The following SLC6A4 variants were observed in gnomAD, a reference collection of about 807,000 sequenced individuals.
The protein encoded by SLC6A4 is sodium-dependent serotonin transporter.
SLC6A4 carries 22 observed loss-of-function variants against 73.4 expected under a neutral mutation model. The ratio of observed to expected loss-of-function variants is 0.30; its 90% CI spans 0.21 to 0.43. The LOEUF (loss-of-function observed/expected upper bound fraction) is 0.43. Among genes scored for constraint, SLC6A4 ranks in the 20% least tolerant of loss-of-function variants. The pLI, the probability that SLC6A4 is intolerant of heterozygous loss-of-function variation, is 1.00. For synonymous variants in SLC6A4, 270 were observed against 315.5 expected (o/e 0.86, Z 1.53); for missense variants, 593 against 808.5 (o/e 0.73, Z 3.23).
In SLC6A4 at chr17:30,215,802, G is replaced by C. The variant is rs1368757789; in HGVS notation, c.973-88C>G. On this transcript the variant is annotated intron_variant, in intron 7 of 14. Transcript: ENST00000650711. ...ACAGGGTCGCCACTCCTGCCTCCAT[G>C]TGGCTAAGTGCAGAGGCAGAAAAAC... 5 of 1,152,162 alleles carry C rather than the reference G, an allele frequency of 4.3e-6. No individual in the cohort carries two copies. In the African/African-American group the frequency reaches 6.1e-5, roughly 14 times the overall value. The allele number at this position is 1,152,162 out of a possible 1,614,324, so 71.4% of individuals were successfully genotyped here. A position where few individuals can be genotyped will look rare whatever the true frequency, so the allele number is the denominator to read the frequency against.
chr17:30,211,037 A>G lies in SLC6A4; in HGVS notation c.1317+275T>C, dbSNP rs962820557. Among the ~76,000 whole-genome samples the G allele has an allele frequency of 6.6e-6, 1 of 152,244 alleles. No individual in the cohort carries two copies. Among genetic ancestry groups the G allele is most frequent in the Admixed American group, 6.5e-5 (1 of 15,290 alleles). On this transcript the variant is annotated intron_variant, in intron 10 of 14. Transcript: ENST00000650711. This position sits in a 1 kb window ranked among gnomAD's most constrained non-coding sequence, Gnocchi z 4.0. ...GACCTCGCCCCGGCCTGTAGGCGCC[A>G]TAATTGGGCCAAGGGACAGTGCTTA...
Position 30,216,085 on chromosome 17 carries a change from T to G in SLC6A4, c.969A>C (p.Thr323=), listed in dbSNP as rs1293540415. Residue 323 remains threonine, a synonymous_variant, in exon 7 of 15, where the codon ACA becomes ACC. Coordinates refer to ENST00000650711, the MANE Select transcript of SLC6A4 (RefSeq NM_001045.6). ...LKPNWQKLLE[T]GVWIDAAAQI... is the part of the protein sequence containing the mutation. ...CATATTTCCCTCATCATCTTACCCCTGTCTCCAGGAGTTTCTGCCAATTGG... is the reference window on the plus strand; with the variant it reads ...CATATTTCCCTCATCATCTTACCCCGGTCTCCAGGAGTTTCTGCCAATTGG... 2 of 1,613,058 alleles carry G rather than the reference T, an allele frequency of 1.2e-6. No individual in the cohort carries two copies. Among genetic ancestry groups the G allele is most frequent in the Non-Finnish European group, 1.7e-6 (2 of 1,179,484 alleles).
chr17:30,206,415 G>C (rs1906200352), intron 13 of SLC6A4: 1 of 152,218 alleles, frequency 6.6e-6, no homozygotes, highest in South Asian at 2.1e-4. Flanking sequence ...CAAGGACAAA[G>C]TGAATATTGA....
Position 30,222,912 on chromosome 17 carries a change from A to C in SLC6A4, c.-217T>G. The stretch of plus-strand genomic sequence containing the variant: ...CAAGCAAGGTCGCCTTGCCTCCAGG[A>C]GACCTAGGGAGAAGAGTGTGCAGGT... On this transcript the variant is annotated 5_prime_UTR_variant, in exon 2 of 15. Coordinates refer to ENST00000650711, the MANE Select transcript of SLC6A4 (RefSeq NM_001045.6). 3 of 1,079,652 alleles carry C rather than the reference A, an allele frequency of 2.8e-6. No homozygotes were observed. The highest frequency in any genetic ancestry group is 3.8e-6 in the Non-Finnish European group (3 of 785,752). The allele number at this position is 1,079,652 out of a possible 1,614,324, so 66.9% of individuals were successfully genotyped here. A position where few individuals can be genotyped will look rare whatever the true frequency, so the allele number is the denominator to read the frequency against.
chr17:30,200,148 A>G (rs147615224), intron 14 of SLC6A4, among the ~76,000 whole-genome samples: 77 of 152,362 alleles, frequency 5.1e-4, no homozygotes, highest in African/African-American at 1.9e-3. Flanking sequence ...AAGGCCCGCA[A>G]TGAACGACGT....
At position 30,202,457 on chromosome 17, in the gene SLC6A4, C is replaced by T. The variant is rs188306010; in HGVS notation, c.1818+715G>A. ...AGGAAACTTCGAGCAGGATTATTCC[C>T]CACCTCAGTGTCCTTGTCTGGTAAT... On this transcript the variant is annotated intron_variant, in intron 14 of 14. Transcript: ENST00000650711. Among the ~76,000 whole-genome samples, 10 of 152,286 alleles carry T rather than the reference C, an allele frequency of 6.6e-5. No homozygotes were observed. In the East Asian group the frequency reaches 1.9e-3, roughly 29 times the overall value.
At chr17:30,232,291 G>C (rs1907136223) in intron 1 of SLC6A4, among the ~76,000 whole-genome samples, 1 of 152,190 alleles carries the variant, frequency 6.6e-6, no homozygotes, top group Non-Finnish European at 1.5e-5. Context: ...GCTTTGCTGA[G>C]AAGTGCTCGC....
Position 30,212,816 on chromosome 17 carries a change from T to A in SLC6A4, c.1128A>T (p.Gly376=). The A allele has an allele frequency of 6.2e-7, 1 of 1,613,968 alleles. No homozygotes were observed. The highest frequency in any genetic ancestry group is 2.2e-5 in the East Asian group (1 of 44,872). The change falls in exon 9 of 15, where the codon GGA becomes GGT. Residue 376 remains glycine (G), a synonymous_variant. Coordinates refer to ENST00000650711, the MANE Select transcript of SLC6A4 (RefSeq NM_001045.6). Reference sequence around the variant, plus strand: ...AACCGAGCACTGTGAAGATGACAAATCCCGAAACGAAGCTCGTCATGCAGT... The same window carrying A: ...AACCGAGCACTGTGAAGATGACAAAACCCGAAACGAAGCTCGTCATGCAGT... ...VVNCMTSFVS[G]FVIFTVLGYM...
At chr17:30,199,752 A>T (rs1455200776) in intron 14 of SLC6A4, among the ~76,000 whole-genome samples, 1 of 152,212 alleles carries the variant, frequency 6.6e-6, no homozygotes, top group East Asian at 1.9e-4. Context: ...TTTAAAAAGG[A>T]GTCATCAGCT....
In SLC6A4 at chr17:30,218,152, G is replaced by A. The variant is rs772343502; in HGVS notation, c.664C>T (p.Leu222Phe). The A allele has an allele frequency of 1.5e-5, 25 of 1,614,232 alleles. No individual in the cohort carries two copies. The Middle Eastern group carries it at 1.3e-3, about 85-fold the overall frequency. Reference protein sequence around the residue: ...YFSEDNITWTLHSTSPAEEFY... With the variant: ...YFSEDNITWTFHSTSPAEEFY... ...TCTTCAGCAGGGGACGTGGAATGGA[G>A]GGTCCAGGTGATGTTGTCCTCGGAG... Residue 222 changes from leucine to phenylalanine, a missense_variant, in exon 5 of 15, where the codon CTC becomes TTC. Physicochemically the swap from Leu to Phe is conservative, Grantham distance 22. Coordinates refer to ENST00000650711, the MANE Select transcript of SLC6A4 (RefSeq NM_001045.6).
At chr17:30,224,542 C>A (rs555169998) in intron 1 of SLC6A4, among the ~76,000 whole-genome samples, 1 of 152,268 alleles carries the variant, frequency 6.6e-6, no homozygotes, top group East Asian at 1.9e-4. Context: ...TCTGCAAGAA[C>A]CTCTTCTATT....
At position 30,214,855 on chromosome 17, in the gene SLC6A4, G is replaced by A. The variant is rs552524656; in HGVS notation, c.1076+756C>T. ...TCACCGTGTTAGCCAGGATGGTATC[G>A]ATCTCCTGACCTCGTGATCCACCCG... On this transcript the variant is annotated intron_variant, in intron 8 of 14. Coordinates refer to ENST00000650711, the MANE Select transcript of SLC6A4 (RefSeq NM_001045.6). Among the ~76,000 whole-genome samples, 169 of 151,758 alleles carry A rather than the reference G, an allele frequency of 1.1e-3. 2 individuals carry two copies. Among genetic ancestry groups the A allele is most frequent in the Middle Eastern group, 0.01 (3 of 292 alleles).
chr17:30,201,654 G>A (rs895531210), intron 14 of SLC6A4, among the ~76,000 whole-genome samples: 4 of 152,192 alleles, frequency 2.6e-5, no homozygotes, highest in South Asian at 2.1e-4. Context: ...GAGAGTGTGC[G>A]GGAAGCAGCA....
At chr17:30,214,726 G>GGAGAAT (rs1906502061) in intron 8 of SLC6A4, among the ~76,000 whole-genome samples, 1 of 148,222 alleles carries the variant, frequency 6.7e-6, no homozygotes, top group Non-Finnish European at 1.5e-5. Context: ...TCCACCTCCT[G>GGAGAAT]GGTTCACGCC....
intron 7 of SLC6A4, 35 bp from the exon 8 acceptor site, chr17:30,215,749 G>T (rs1169493389): frequency 6.3e-7 from 1 of 1,577,452 alleles, no homozygotes; most frequent in Non-Finnish European, 8.7e-7. Context: ...ATGGGGTGAG[G>T]GGGAGACACA....
intron 8 of SLC6A4, among the ~76,000 whole-genome samples, chr17:30,214,735 C>G (rs1427728132): frequency 6.6e-6 from 1 of 151,012 alleles, no homozygotes; most frequent in Non-Finnish European, 1.5e-5. Flanking sequence ...TGGGTTCACG[C>G]CATTCTCCTG....
intron 1 of SLC6A4, among the ~76,000 whole-genome samples, chr17:30,233,858 A>G (rs1017351507): frequency 5.9e-5 from 9 of 152,270 alleles, no homozygotes; most frequent in African/African-American, 2.2e-4. Context: ...ATTCTCTCCA[A>G]TTATACCATT....
intron 13 of SLC6A4, among the ~76,000 whole-genome samples, chr17:30,207,067 G>A (rs1906229336): frequency 6.6e-6 from 1 of 152,150 alleles, no homozygotes. Context: ...GAACTATTGT[G>A]AGGATTTATA....
rs199595328 is a variant in SLC6A4, at chr17:30,197,586, G to A, written c.*870C>T. 1 of 152,392 alleles carries A rather than the reference G, an allele frequency of 6.6e-6. No individual in the cohort carries two copies. The highest frequency in any genetic ancestry group is 2.4e-5 in the African/African-American group (1 of 41,440). 9.4% of individuals were successfully genotyped at this position (152,392 alleles called of 1,614,324 possible). ...AATGAAATAGGCCAGATCTGCCTGT[G>A]GAACACTGTCCTGAATGTTTAGCAC... On this transcript the variant is annotated 3_prime_UTR_variant, in exon 15 of 15. Coordinates refer to ENST00000650711, the MANE Select transcript of SLC6A4 (RefSeq NM_001045.6).
Sources: allele counts gnomAD v4.1 joint callset (sites outside exome capture counted in the v4.1 genomes callset), GRCh38; gene constraint gnomAD v4.1.1; non-coding constraint Gnocchi (gnomAD v3.1); transcripts MANE v1.5; gene names NCBI Gene and HGNC (gene_info 2026-07-23, HGNC 2026-07-21).